The following CAPN13 variants were observed in gnomAD, a reference collection of about 807,000 sequenced individuals.
The protein encoded by CAPN13 is calpain 13.
In CAPN13, 90 loss-of-function variants were observed where a neutral mutation model predicts 98.4. That is an observed-to-expected ratio of 0.92 (90% CI 0.77 to 1.09). CAPN13 has a LOEUF of 1.09. Ranked by LOEUF, CAPN13 falls within the 50% of genes least tolerant of loss-of-function variation. The probability of loss-of-function intolerance (pLI) is 0.00; values close to 1 mark genes in which losing one functional copy is unlikely to be tolerated. For missense variants in CAPN13, 887 were observed against 841.3 expected, an observed-to-expected ratio of 1.05 and a Z score of -0.67; for synonymous variants, 330 against 305.5, an observed-to-expected ratio of 1.08 and a Z score of -0.84.
At chr2:30,791,148 T>A (rs1674587655) in intron 1 of CAPN13, among the ~76,000 whole-genome samples, 1 of 152,202 alleles carries the variant, frequency 6.6e-6, no homozygotes, top group South Asian at 2.1e-4. Flanking sequence ...CAAAGGGGAA[T>A]TGGGTCATGT....
chr2:30,791,750 A>G (rs1364452563), intron 1 of CAPN13, among the ~76,000 whole-genome samples: 1 of 152,228 alleles, frequency 6.6e-6, no homozygotes. Flanking sequence ...TCATCTGTCA[A>G]ATGGGAACAT....
At chr2:30,738,371 G>C (rs1671484957) in intron 16 of CAPN13, 29 bp downstream of exon 16, 1 of 1,611,236 alleles carries the variant, frequency 6.2e-7, no homozygotes, top group Admixed American at 1.7e-5. Flanking sequence ...GAGGAGGATG[G>C]GGCCAGCTTG....
At chr2:30,765,224 A>G (rs768920447) in intron 5 of CAPN13, among the ~76,000 whole-genome samples, 2 of 152,094 alleles carry the variant, frequency 1.3e-5, no homozygotes, top group Non-Finnish European at 2.9e-5. Flanking sequence ...GCTCCCATCC[A>G]TGGGGTGAAT....
At chr2:30,723,887 G>A (rs72613849) in intron 22 of CAPN13, among the ~76,000 whole-genome samples, 5,881 of 152,064 alleles carry the variant, frequency 0.039, 194 homozygotes, top group East Asian at 0.14. Context: ...CAAGATACAT[G>A]GTTAGAAAAT....
chr2:30,756,014 T>C (rs1177631645), intron 8 of CAPN13, among the ~76,000 whole-genome samples: 1 of 152,068 alleles, frequency 6.6e-6, no homozygotes, highest in African/African-American at 2.4e-5. Context: ...GCAGTCCCCG[T>C]CACTTCCTTC....
Position 30,732,528 on chromosome 2 carries a change from G to C in CAPN13, c.1837C>G (p.His613Asp), listed in dbSNP as rs1671156749. The C allele has an allele frequency of 6.2e-7, 1 of 1,611,118 alleles. No individual in the cohort carries two copies. The highest frequency in any genetic ancestry group is 1.3e-5 in the African/African-American group (1 of 74,892). The change falls in exon 20 of 23, where the codon CAT becomes GAT. Residue 613 changes from histidine (H) to aspartate (D), a missense_variant. Physicochemically the swap from His to Asp is moderately conservative, Grantham distance 81 (BLOSUM62 -1). Coordinates refer to ENST00000295055, the MANE Select transcript of CAPN13 (RefSeq NM_144575.3). ...RGIFISRELL[H>D]LVTLRYSDSV... Reference sequence around the variant, plus strand: ...TCGCTGTACCTGAGGGTCACCAGATGCAGCAGCTCACGGCTGATGAAGATC... The same window carrying C: ...TCGCTGTACCTGAGGGTCACCAGATCCAGCAGCTCACGGCTGATGAAGATC...
At position 30,732,545 on chromosome 2, in the gene CAPN13, A is replaced by T. The variant is rs1328899985; in HGVS notation, c.1820T>A (p.Ile607Asn). 30 of 1,609,738 alleles carry T rather than the reference A, an allele frequency of 1.9e-5. No individual in the cohort carries two copies. The highest frequency in any genetic ancestry group is 2.7e-5 in the African/African-American group (2 of 74,868). ...CACCAGATGCAGCAGCTCACGGCTG[A>T]TGAAGATCCCTCTGAGGAAGTCTGG... ...ENTDFLRGIFISRELLHLVTL... is the reference protein window; with the variant it reads ...ENTDFLRGIFNSRELLHLVTL... Residue 607 changes from isoleucine (I) to asparagine (N), a missense_variant, in exon 20 of 23, where the codon ATC (isoleucine) becomes AAC (asparagine). Coordinates refer to ENST00000295055, the MANE Select transcript of CAPN13 (RefSeq NM_144575.3).
chr2:30,773,816 C>T (rs1327674865), intron 4 of CAPN13, among the ~76,000 whole-genome samples: 9 of 152,156 alleles, frequency 5.9e-5, no homozygotes, highest in Non-Finnish European at 4.4e-5. Flanking sequence ...AGATGAAAGA[C>T]ATAATGACAG....
In CAPN13 at chr2:30,734,341, C is replaced by G. The variant is rs983855766; in HGVS notation, c.1798+108G>C. 3.6e-5 allele frequency: 30 copies of G among 830,232 alleles called. No homozygotes were observed. The African/African-American group carries it at 3.9e-4, about 11-fold the overall frequency. The allele number at this position is 830,232 out of a possible 1,614,324, so 51.4% of individuals were successfully genotyped here. On this transcript the variant is annotated intron_variant, in intron 19 of 22. Transcript: ENST00000295055. ...GGAGGACACGAGAGCTGCAGCGCTC[C>G]TCTCTCCTGATTGCCTGGCACTGTT...
chr2:30,785,889 G>A (rs1020050436), intron 2 of CAPN13, among the ~76,000 whole-genome samples: 1 of 146,212 alleles, frequency 6.8e-6, no homozygotes, highest in Non-Finnish European at 1.5e-5. Flanking sequence ...GAGAATCATT[G>A]TTGAGGACTT....
At chr2:30,768,005 C>A (rs1673194593) in intron 5 of CAPN13, among the ~76,000 whole-genome samples, 1 of 152,210 alleles carries the variant, frequency 6.6e-6, no homozygotes, top group Non-Finnish European at 1.5e-5. Context: ...TCAGAATTTT[C>A]TGGACCTATG....
chr2:30,762,629 T>G (rs774761698), intron 7 of CAPN13, among the ~76,000 whole-genome samples: 5 of 152,200 alleles, frequency 3.3e-5, no homozygotes, highest in Non-Finnish European at 7.4e-5. Context: ...CACCTACTAG[T>G]CCTGGCATCA....
At chr2:30,751,655 G>A (rs1672180747) in intron 10 of CAPN13, among the ~76,000 whole-genome samples, 1 of 152,200 alleles carries the variant, frequency 6.6e-6, no homozygotes, top group Non-Finnish European at 1.5e-5. Context: ...GGCAATTACA[G>A]TACTCTTCTA....
chr2:30,763,428 T>G (rs1292484438), intron 6 of CAPN13, among the ~76,000 whole-genome samples: 1 of 152,216 alleles, frequency 6.6e-6, no homozygotes, highest in South Asian at 2.1e-4. Context: ...ACCAACCACA[T>G]GTCATCAGTG....
At chr2:30,783,795 T>C (rs759550540) in intron 2 of CAPN13, among the ~76,000 whole-genome samples, 1 of 152,202 alleles carries the variant, frequency 6.6e-6, no homozygotes, top group African/African-American at 2.4e-5. Context: ...AGCCATTATA[T>C]AGTTGAAGTT....
chr2:30,733,301 A>G (rs1332489484), intron 19 of CAPN13, among the ~76,000 whole-genome samples: 1 of 151,246 alleles, frequency 6.6e-6, no homozygotes, highest in Non-Finnish European at 1.5e-5. Flanking sequence ...TTAATAAAAC[A>G]TGAACTCGAA....
chr2:30,777,519 T>G, intron 3 of CAPN13, 48 bp downstream of exon 3: 2 of 1,503,456 alleles, frequency 1.3e-6, no homozygotes, highest in Non-Finnish European at 9.1e-7. Context: ...AGCACCACCC[T>G]CCACCACTTC....
At chr2:30,776,372 C>G (rs534750266) in intron 3 of CAPN13, among the ~76,000 whole-genome samples, 13 of 152,170 alleles carry the variant, frequency 8.5e-5, no homozygotes, top group African/African-American at 3.1e-4. Flanking sequence ...GCACCAAGCC[C>G]GGCTAATTTT....
In CAPN13 at chr2:30,729,330, C is replaced by A. The variant is rs75709817; in HGVS notation, c.*30+1400G>T. Among the ~76,000 whole-genome samples, 102 of 152,264 alleles carry A rather than the reference C, an allele frequency of 6.7e-4. No homozygotes were observed. In the East Asian group the frequency reaches 0.015, roughly 23 times the overall value. ...TTAGTGAAAGAAACTGAAGTAAACA[C>A]GACAATGCCTCTAATATTATCCTTC... On this transcript the variant is annotated intron_variant, in intron 22 of 22. Transcript: ENST00000295055.
Sources: allele counts gnomAD v4.1 joint callset (sites outside exome capture counted in the v4.1 genomes callset), GRCh38; gene constraint gnomAD v4.1.1; transcripts MANE v1.5; gene names NCBI Gene and HGNC (gene_info 2026-07-23, HGNC 2026-07-21).